The following ZNF609 variants were observed in gnomAD, a reference collection of about 807,000 sequenced individuals.
The protein encoded by ZNF609 is zinc finger protein 609.
ZNF609 carries 11 observed loss-of-function variants against 109.5 expected under a neutral mutation model. The observed-to-expected ratio is 0.10, with a 90% CI of 0.06 to 0.17. The LOEUF (loss-of-function observed/expected upper bound fraction) is 0.17, where lower values mean the gene tolerates loss of function less well. Ranked by LOEUF, ZNF609 falls within the 10% of genes least tolerant of loss-of-function variation. The pLI is 1.00. For missense variants in ZNF609, 1,559 were observed against 1,772.4 expected, an observed-to-expected ratio of 0.88 and a Z score of 2.16; for synonymous variants, 646 against 662.0, an observed-to-expected ratio of 0.98 and a Z score of 0.37.
At chr15:64,512,378 G>C (rs1893745501) in intron 2 of ZNF609, among the ~76,000 whole-genome samples, 1 of 152,116 alleles carries the variant, frequency 6.6e-6, no homozygotes, top group Admixed American at 6.5e-5. Context: ...AGGGGCAGAA[G>C]ACAGATTTGG....
At chr15:64,588,414 C>T (rs1353475096) in intron 2 of ZNF609, among the ~76,000 whole-genome samples, 4 of 5,916 alleles carry the variant, frequency 6.8e-4, no homozygotes, top group Non-Finnish European at 1.5e-3. Context: ...CGTAACAGAG[C>T]GACACTCTGT....
intron 2 of ZNF609, among the ~76,000 whole-genome samples, chr15:64,578,515 A>C (rs2140423597): frequency 6.6e-6 from 1 of 152,234 alleles, no homozygotes; most frequent in Non-Finnish European, 1.5e-5. Flanking sequence ...CAACATGGTG[A>C]ATCCCCGTCT....
intron 1 of ZNF609, among the ~76,000 whole-genome samples, chr15:64,475,120 T>A (rs902084269): frequency 1.2e-4 from 10 of 80,030 alleles, no homozygotes; most frequent in South Asian, 3.2e-4. Context: ...TTTTTTTTTT[T>A]ACAGCTATTC....
At chr15:64,503,003 G>A (rs1893582636) in intron 2 of ZNF609, 1 of 150,830 alleles carries the variant, frequency 6.6e-6, no homozygotes, top group African/African-American at 2.4e-5. Context: ...AGGTTGCATT[G>A]AGCTGAGACG....
intron 1 of ZNF609, among the ~76,000 whole-genome samples, chr15:64,461,248 C>A (rs1397770857): frequency 3.4e-5 from 5 of 147,614 alleles, no homozygotes; most frequent in African/African-American, 9.9e-5. Context: ...GGTGGTTGTT[C>A]AGAGCATAGG....
rs1219238118 is a variant in ZNF609 at position 64,490,430 on chromosome 15, C to T, written c.-127-8863C>T. 2.0e-5 allele frequency among the ~76,000 whole-genome samples: 3 copies of T among 152,046 alleles called. No homozygotes were observed. In the East Asian group the frequency reaches 5.8e-4, roughly 29 times the overall value. ...CTGGGATTACAGGCATGTGTCACCA[C>T]ACCTGGCTAGTTTTTGTATTTTTAG... is the stretch of plus-strand genomic sequence containing the variant. On this transcript the variant is annotated intron_variant, in intron 1 of 9. Coordinates refer to ENST00000326648, the MANE Select transcript of ZNF609 (RefSeq NM_015042.2).
At position 64,474,216 on chromosome 15, in the gene ZNF609, CT is replaced by C. The variant is rs574928157; in HGVS notation, c.-128+13392del. ...AGCCACCACACCTGGCCTAGCCTCA[CT>C]TTTTTTTTTTTTTGAGACTGAGTTT... On this transcript the variant is annotated intron_variant, in intron 1 of 9. Transcript: ENST00000326648. 9.8e-3 allele frequency among the ~76,000 whole-genome samples: 1,399 copies of C among 142,328 alleles called. 17 individuals carry two copies. The highest frequency in any genetic ancestry group is 0.029 in the African/African-American group (1,152 of 39,126). The allele number at this position is 142,328 out of a possible 152,430, so 93.4% of individuals were successfully genotyped here.
At chr15:64,548,379 AACAAC>A (rs1213985958) in intron 2 of ZNF609, among the ~76,000 whole-genome samples, 1 of 152,234 alleles carries the variant, frequency 6.6e-6, no homozygotes, top group African/African-American at 2.4e-5. Flanking sequence ...ATGCCAAAGA[AACAAC>A]ACTACACCAG....
At chr15:64,543,846 T>C (rs1894312234) in intron 2 of ZNF609, among the ~76,000 whole-genome samples, 1 of 152,250 alleles carries the variant, frequency 6.6e-6, no homozygotes, top group Non-Finnish European at 1.5e-5. Context: ...GTTTGTGTCA[T>C]AGTATTTATC....
intron 2 of ZNF609, among the ~76,000 whole-genome samples, chr15:64,577,047 T>TAAATATATACATATATGTATATATACAC (rs1567019106): frequency 5.8e-4 from 54 of 93,316 alleles, no homozygotes; most frequent in African/African-American, 1.8e-3. Context: ...TATATACACA[T>TAAATATATACATATATGTATATATACAC]AAATATATAC....
intron 2 of ZNF609, among the ~76,000 whole-genome samples, chr15:64,608,144 G>A (rs1186803209): frequency 1.3e-5 from 2 of 151,548 alleles, no homozygotes; most frequent in South Asian, 2.1e-4. Context: ...CAATCCGCCC[G>A]CCTTGGCCTC....
intron 1 of ZNF609, among the ~76,000 whole-genome samples, chr15:64,499,075 A>G (rs1216577745): frequency 6.6e-6 from 1 of 152,180 alleles, no homozygotes; most frequent in Non-Finnish European, 1.5e-5. Context: ...TCTCTGGGCA[A>G]TTGGAAATAC....
intron 1 of ZNF609, among the ~76,000 whole-genome samples, chr15:64,489,713 A>G (rs896196692): frequency 6.6e-6 from 1 of 151,246 alleles, no homozygotes; most frequent in Non-Finnish European, 1.5e-5. Context: ...TATTTTTAGT[A>G]AAGACAGTTT....
intron 2 of ZNF609, among the ~76,000 whole-genome samples, chr15:64,519,120 G>A (rs1170770095): frequency 7.0e-6 from 1 of 143,460 alleles, no homozygotes; most frequent in African/African-American, 2.5e-5. Context: ...GGTGCAGGGC[G>A]GGGGGCGGGG....
At chr15:64,657,755 T>C (rs1896511884) in intron 3 of ZNF609, among the ~76,000 whole-genome samples, 1 of 152,208 alleles carries the variant, frequency 6.6e-6, no homozygotes, top group African/African-American at 2.4e-5. Flanking sequence ...ACTTAGACTC[T>C]AGTGGTTGTG....
At chr15:64,528,201 G>A (rs984446967) in intron 2 of ZNF609, among the ~76,000 whole-genome samples, 1 of 151,406 alleles carries the variant, frequency 6.6e-6, no homozygotes, top group Non-Finnish European at 1.5e-5. Flanking sequence ...GGGTTCAAGC[G>A]ATTCTGCTGC....
At chr15:64,529,970 TCCAC>T (rs1241193341) in intron 2 of ZNF609, among the ~76,000 whole-genome samples, 2 of 151,852 alleles carry the variant, frequency 1.3e-5, no homozygotes, top group Non-Finnish European at 2.9e-5. Flanking sequence ...CCTCAGGTGA[TCCAC>T]CCACCTCGGC....
intron 2 of ZNF609, among the ~76,000 whole-genome samples, chr15:64,601,509 G>A (rs892671609): frequency 6.6e-6 from 1 of 152,102 alleles, no homozygotes; most frequent in Non-Finnish European, 1.5e-5. Context: ...TAAAATTATT[G>A]AACAACCTTT....
In ZNF609 at chr15:64,623,046, G is replaced by A; in HGVS notation, c.967G>A (p.Glu323Lys). 1.2e-6 allele frequency: 2 copies of A among 1,614,150 alleles called. No individual in the cohort carries two copies. The highest frequency in any genetic ancestry group is 1.7e-6 in the Non-Finnish European group (2 of 1,179,964). The change falls in exon 3 of 10, where the codon GAA becomes AAA. Residue 323 changes from glutamate to lysine, a missense_variant. By Grantham distance (56) the Glu-to-Lys change is moderately conservative (BLOSUM62 1). Coordinates refer to ENST00000326648, the MANE Select transcript of ZNF609 (RefSeq NM_015042.2). Reference sequence around the variant, plus strand: ...TGAAGGCATCGTGTGGCAGGAAACAGAAGATGGTAAGTGTGATATGTGGCT... The same window carrying A: ...TGAAGGCATCGTGTGGCAGGAAACAAAAGATGGTAAGTGTGATATGTGGCT... ...NLEGIVWQETEDGMLVVNVTW... is the reference protein window; with the variant it reads ...NLEGIVWQETKDGMLVVNVTW...
Sources: gnomAD v4.1 joint callset for allele counts (sites outside exome capture counted in the v4.1 genomes callset) on GRCh38, gnomAD v4.1.1 for gene constraint, MANE v1.5 for transcripts, NCBI Gene and HGNC (gene_info 2026-07-23, HGNC 2026-07-21) for gene names.